The following OPCML variants were observed in gnomAD, a reference collection of about 807,000 sequenced individuals.
The protein encoded by OPCML is opioid binding protein/cell adhesion molecule like.
A neutral mutation model predicts 37.8 loss-of-function variants in OPCML; 13 were observed. The ratio of observed to expected loss-of-function variants is 0.34; its 90% CI spans 0.22 to 0.55. The LOEUF (loss-of-function observed/expected upper bound fraction) is 0.55. OPCML is among the 20% of genes least tolerant of loss of function. The probability of loss-of-function intolerance (pLI) is 0.91; values close to 1 mark genes in which losing one functional copy is unlikely to be tolerated. For missense variants in OPCML, 341 were observed against 435.6 expected (o/e 0.78, Z 1.93); for synonymous variants, 176 against 168.8 (o/e 1.04, Z -0.33).
Position 133,205,715 on chromosome 11 carries a change from T to C in OPCML, c.62-262705A>G, listed in dbSNP as rs575736523. ...GTAGGAAAAACATTTAGTATTTTTT[T>C]TCCTTGTCTTTAAGAATTATCCTGG... On this transcript the variant is annotated intron_variant, in intron 1 of 7. Coordinates refer to ENST00000524381, the MANE Select transcript of OPCML (RefSeq NM_001012393.5). This position sits in a 1 kb window ranked among gnomAD's most constrained non-coding sequence, Gnocchi z 4.8. 6.6e-6 allele frequency among the ~76,000 whole-genome samples: 1 copy of C among 152,372 alleles called. No individual in the cohort carries two copies. The highest frequency in any genetic ancestry group is 1.9e-4 in the East Asian group (1 of 5,178).
intron 1 of OPCML, among the ~76,000 whole-genome samples, chr11:133,497,438 C>T (rs187714302): frequency 1.0e-3 from 159 of 152,066 alleles, no homozygotes; most frequent in Middle Eastern, 6.8e-3. Flanking sequence ...TTTGGATTGC[C>T]TTTCATTGAG....
chr11:132,610,029 C>T (rs199863937), intron 3 of OPCML, among the ~76,000 whole-genome samples: 1,971 of 151,808 alleles, frequency 0.013, 26 homozygotes, highest in Non-Finnish European at 0.016. Context: ...ATTCAGGTTA[C>T]GTTAACATTT....
chr11:132,481,144 C>T (rs974942292), intron 4 of OPCML, among the ~76,000 whole-genome samples: 2 of 152,254 alleles, frequency 1.3e-5, no homozygotes, highest in South Asian at 4.1e-4. Context: ...GATAAAGAGT[C>T]AAGACCCATC....
chr11:132,941,371 C>G (rs61909271), intron 2 of OPCML, among the ~76,000 whole-genome samples: 2,811 of 152,270 alleles, frequency 0.018, 36 homozygotes, highest in Middle Eastern at 0.054. Context: ...CAATGCTAGA[C>G]CTCTTTGCCC....
At chr11:132,856,031 G>T (rs770045499) in intron 2 of OPCML, among the ~76,000 whole-genome samples, 2 of 152,162 alleles carry the variant, frequency 1.3e-5, no homozygotes, top group African/African-American at 4.8e-5. Context: ...ATCGGTCTTT[G>T]CTTCTCTAAG....
intron 3 of OPCML, among the ~76,000 whole-genome samples, chr11:132,570,804 T>TAGAGAGAGAGAGAGAGAGAGAGAGAG (rs1203341702): frequency 1.2e-4 from 11 of 90,762 alleles, no homozygotes; most frequent in African/African-American, 4.0e-4. Context: ...TATATATATT[T>TAGAGAGAGAGAGAGAGAGAGAGAGAG]AGAGAGAGAG....
At chr11:133,420,677 A>G in intron 1 of OPCML, 2 of 985,420 alleles carry the variant, frequency 2.0e-6, no homozygotes, top group South Asian at 4.7e-5. Context: ...AGGAAGTTGA[A>G]AAGGATGCAT....
intron 4 of OPCML, among the ~76,000 whole-genome samples, chr11:132,508,143 A>G (rs777293185): frequency 6.6e-6 from 1 of 152,214 alleles, no homozygotes; most frequent in Non-Finnish European, 1.5e-5. Flanking sequence ...ATTATTAAAT[A>G]CTGCTTTGGA....
At chr11:133,511,787 T>C (rs1948166014) in intron 1 of OPCML, among the ~76,000 whole-genome samples, 1 of 152,146 alleles carries the variant, frequency 6.6e-6, no homozygotes, top group Non-Finnish European at 1.5e-5. Context: ...TTGTGTATTA[T>C]AAGATTTTCT....
chr11:133,506,669 C>T (rs1948037642), intron 1 of OPCML, among the ~76,000 whole-genome samples: 1 of 152,170 alleles, frequency 6.6e-6, no homozygotes, highest in Non-Finnish European at 1.5e-5. Context: ...TCTAATCATC[C>T]CTGATAAAAT....
intron 1 of OPCML, among the ~76,000 whole-genome samples, chr11:133,412,268 T>C (rs866928344): frequency 1.8e-4 from 28 of 152,286 alleles, no homozygotes; most frequent in Middle Eastern, 3.4e-3. Flanking sequence ...TGATCTTTAA[T>C]TGAGGAGCAC....
intron 2 of OPCML, among the ~76,000 whole-genome samples, chr11:132,768,136 C>T (rs1946518586): frequency 6.6e-6 from 1 of 152,158 alleles, no homozygotes; most frequent in African/African-American, 2.4e-5. Flanking sequence ...TTTGAAACAC[C>T]AGTGTACTCA....
chr11:133,526,452 A>C (rs1258311063), intron 1 of OPCML, among the ~76,000 whole-genome samples: 1 of 152,210 alleles, frequency 6.6e-6, no homozygotes, highest in African/African-American at 2.4e-5. Flanking sequence ...AGGGGCATGC[A>C]TCTATGGTTG....
chr11:133,134,507 C>T (rs1008894203), intron 1 of OPCML, among the ~76,000 whole-genome samples: 1 of 152,164 alleles, frequency 6.6e-6, no homozygotes, highest in African/African-American at 2.4e-5. Context: ...GGCCCCTGTG[C>T]TCTTGTTTCC....
intron 1 of OPCML, among the ~76,000 whole-genome samples, chr11:133,325,485 C>A (rs184360496): frequency 2.6e-4 from 39 of 152,168 alleles, no homozygotes; most frequent in Admixed American, 6.5e-4. Flanking sequence ...AATTTTAACG[C>A]CTATCAAAAT....
At chr11:133,085,513 T>A (rs1948805781) in intron 1 of OPCML, among the ~76,000 whole-genome samples, 1 of 152,234 alleles carries the variant, frequency 6.6e-6, no homozygotes, top group Non-Finnish European at 1.5e-5. Flanking sequence ...GTTGAATTGA[T>A]TTGAAAGAGC....
chr11:133,353,030 G>T (rs1167291018), intron 1 of OPCML, among the ~76,000 whole-genome samples: 1 of 152,192 alleles, frequency 6.6e-6, no homozygotes, highest in Non-Finnish European at 1.5e-5. Context: ...GCAGTTATAG[G>T]CTGTATGTCT....
chr11:132,760,972 G>A (rs904454151), intron 2 of OPCML, among the ~76,000 whole-genome samples: 1 of 152,092 alleles, frequency 6.6e-6, no homozygotes, highest in Non-Finnish European at 1.5e-5. Context: ...CTTCCTTCAG[G>A]AGCTCTTGTA....
intron 1 of OPCML, among the ~76,000 whole-genome samples, chr11:133,221,041 G>A (rs187296915): frequency 3.9e-4 from 59 of 152,238 alleles, no homozygotes; most frequent in Admixed American, 2.0e-3. Context: ...CCCGCTTTCC[G>A]TTTTTAGATC....
Sources: allele counts gnomAD v4.1 joint callset (sites outside exome capture counted in the v4.1 genomes callset), GRCh38; gene constraint gnomAD v4.1.1; non-coding constraint Gnocchi (gnomAD v3.1); transcripts MANE v1.5; gene names NCBI Gene and HGNC (gene_info 2026-07-23, HGNC 2026-07-21).